FGD4: variants seen among roughly 807,000 people sequenced by gnomAD.
FGD4 encodes FYVE, RhoGEF and PH domain-containing protein 4.
In FGD4, 42 loss-of-function variants were observed where a neutral mutation model predicts 102.0. The ratio of observed to expected loss-of-function variants is 0.41; its 90% confidence interval spans 0.32 to 0.53. The LOEUF is 0.53. Among genes scored for constraint, FGD4 ranks in the 20% least tolerant of loss-of-function variants. FGD4 has a pLI of 0.21. For synonymous variants in FGD4, 380 were observed against 375.7 expected (o/e 1.01, Z -0.13); for missense variants, 902 against 1,078.2 (o/e 0.84, Z 2.29).
At chr12:32,620,095 T>G (rs1949715861) in intron 11 of FGD4, among the ~76,000 whole-genome samples, 1 of 152,128 alleles carries the variant, frequency 6.6e-6, no homozygotes. Flanking sequence ...CAATAAGCAT[T>G]CAGTAAATTG....
At chr12:32,583,144 C>G (rs1478923138) in intron 4 of FGD4, among the ~76,000 whole-genome samples, 1 of 152,116 alleles carries the variant, frequency 6.6e-6, no homozygotes, top group Non-Finnish European at 1.5e-5. Context: ...CAAGACCAGT[C>G]TGGGCAACAT....
chr12:32,399,977 CG>C lies in FGD4; in HGVS notation c.166+23del. On this transcript the variant is annotated intron_variant, in intron 1 of 16. Transcript: ENST00000534526. ...AGCCACAGGTAAGCGCCTCGGGGCG[CG>C]GGGGAAGGGTGGCCCCGGCGCGTAG... is the stretch of plus-strand genomic sequence containing the variant. 2 of 1,444,204 alleles carry C rather than the reference CG, an allele frequency of 1.4e-6. No individual in the cohort carries two copies. Among genetic ancestry groups the C allele is most frequent in the Non-Finnish European group, 1.8e-6 (2 of 1,105,038 alleles). 89.5% of individuals were successfully genotyped at this position (1,444,204 alleles called of 1,614,324 possible). A position where few individuals can be genotyped will look rare whatever the true frequency, so the allele number is the denominator to read the frequency against.
At chr12:32,495,711 A>AAAAAAAAAAAC (rs1937770325) in intron 1 of FGD4, among the ~76,000 whole-genome samples, 1 of 118,608 alleles carries the variant, frequency 8.4e-6, no homozygotes, top group African/African-American at 3.0e-5. Flanking sequence ...AAAAAAAAAA[A>AAAAAAAAAAAC]AGAAGCTTTT....
rs1427707678 is a variant in FGD4, at chr12:32,576,414, G to C, written c.468G>C (p.Lys156Asn). ...GTGTCTCAAAAGAAAAACCCAGTAAGGTATCAGATCTCATCAGTCGCTTTG... is the reference window on the plus strand; with the variant it reads ...GTGTCTCAAAAGAAAAACCCAGTAACGTATCAGATCTCATCAGTCGCTTTG... The part of the protein sequence containing the change: ...ASCVSKEKPS[K>N]VSDLISRFEG... Residue 156 changes from lysine to asparagine, a missense_variant, in exon 3 of 17, where the codon AAG becomes AAC. Coordinates refer to ENST00000534526, the MANE Select transcript of FGD4 (RefSeq NM_001370298.3). 1 of 1,614,004 alleles carries C rather than the reference G, an allele frequency of 6.2e-7. No individual in the cohort carries two copies. The highest frequency in any genetic ancestry group is 1.1e-5 in the South Asian group (1 of 91,082).
chr12:32,619,587 A>C, intron 10 of FGD4, 111 bp from the exon 11 acceptor site: 1 of 1,210,274 alleles, frequency 8.3e-7, no homozygotes, highest in Admixed American at 1.9e-5. Flanking sequence ...AGCCAAGGTC[A>C]CACTATTACA....
intron 1 of FGD4, among the ~76,000 whole-genome samples, chr12:32,434,616 AT>A (rs1258745586): frequency 6.6e-6 from 1 of 152,092 alleles, no homozygotes; most frequent in East Asian, 1.9e-4. Flanking sequence ...GACTTTTGTG[AT>A]TCCAGTAGCT....
At chr12:32,520,440 G>GTTT (rs1167066001) in intron 1 of FGD4, among the ~76,000 whole-genome samples, 11 of 134,108 alleles carry the variant, frequency 8.2e-5, no homozygotes, top group Non-Finnish European at 1.3e-4. Context: ...TTTGTTTTTT[G>GTTT]TTTTTTTTTT....
intron 11 of FGD4, 48 bp downstream of exon 11, chr12:32,619,918 A>T (rs1209418810): frequency 6.2e-7 from 1 of 1,601,524 alleles, no homozygotes; most frequent in Non-Finnish European, 8.5e-7. Flanking sequence ...CAGGCAACAG[A>T]ATGAATCATT....
At chr12:32,564,381 A>C (rs1459410472) in intron 2 of FGD4, 92 bp downstream of exon 2, 2 of 1,438,528 alleles carry the variant, frequency 1.4e-6, no homozygotes, top group East Asian at 2.5e-5. Flanking sequence ...AAAGTGTTTT[A>C]AGCTAGAAGG....
At chr12:32,447,868 C>G (rs576699619) in intron 1 of FGD4, among the ~76,000 whole-genome samples, 1 of 152,318 alleles carries the variant, frequency 6.6e-6, no homozygotes, top group South Asian at 2.1e-4. Context: ...ATAGCAGGCA[C>G]TCAAATATTT....
chr12:32,635,568 C>CT (rs1473979593), intron 15 of FGD4, among the ~76,000 whole-genome samples: 1 of 152,136 alleles, frequency 6.6e-6, no homozygotes, highest in Non-Finnish European at 1.5e-5. Context: ...GATCAACACA[C>CT]TTTCCTGTAA....
intron 1 of FGD4, among the ~76,000 whole-genome samples, chr12:32,525,504 C>T (rs1325015781): frequency 2.6e-5 from 4 of 152,232 alleles, no homozygotes; most frequent in East Asian, 3.8e-4. Flanking sequence ...GAGGTGACAG[C>T]GTGCTGGCAG....
chr12:32,522,539 G>C (rs1339170465), intron 1 of FGD4, among the ~76,000 whole-genome samples: 1 of 152,150 alleles, frequency 6.6e-6, no homozygotes, highest in Non-Finnish European at 1.5e-5. Context: ...GTAACTGACT[G>C]TACTTTATCC....
chr12:32,524,524 TAA>T (rs113473656), intron 1 of FGD4, among the ~76,000 whole-genome samples: 4 of 134,430 alleles, frequency 3.0e-5, no homozygotes, highest in African/African-American at 1.0e-4. Context: ...ATAATTCAAA[TAA>T]AAAAAAAAAA....
At chr12:32,405,996 T>G (rs1265570735) in intron 1 of FGD4, among the ~76,000 whole-genome samples, 1 of 151,910 alleles carries the variant, frequency 6.6e-6, no homozygotes, top group African/African-American at 2.4e-5. Context: ...CAGGCTGGAG[T>G]GTAATGGCGC....
chr12:32,571,830 C>G (rs1377419790), intron 2 of FGD4, among the ~76,000 whole-genome samples: 1 of 152,074 alleles, frequency 6.6e-6, no homozygotes, highest in Non-Finnish European at 1.5e-5. Context: ...TTCAGTGTGG[C>G]TGGAATCTAG....
At chr12:32,601,824 G>A (rs1948446158) in intron 6 of FGD4, among the ~76,000 whole-genome samples, 2 of 152,166 alleles carry the variant, frequency 1.3e-5, no homozygotes, top group Non-Finnish European at 2.9e-5. Flanking sequence ...AAATCTTAAT[G>A]TGCCGGGCGT....
At chr12:32,550,341 C>T (rs181629009) in intron 1 of FGD4, among the ~76,000 whole-genome samples, 1 of 152,194 alleles carries the variant, frequency 6.6e-6, no homozygotes, top group Admixed American at 6.5e-5. Flanking sequence ...TAGCAGCATA[C>T]AGATAAGATA....
intron 1 of FGD4, among the ~76,000 whole-genome samples, chr12:32,444,182 C>G (rs1254427290): frequency 2.0e-5 from 3 of 151,836 alleles, no homozygotes; most frequent in Admixed American, 2.0e-4. Context: ...AGCCACCACA[C>G]CTGGCACATT....
Sources: allele counts gnomAD v4.1 joint callset (sites outside exome capture counted in the v4.1 genomes callset), GRCh38; gene constraint gnomAD v4.1.1; transcripts MANE v1.5; gene names NCBI Gene and HGNC (gene_info 2026-07-23, HGNC 2026-07-21).